Variants in CCDC85A observed in about 807,000 individuals in gnomAD.
CCDC85A encodes coiled-coil domain containing 85A, also known as coiled-coil domain-containing protein 85A.
A neutral mutation model predicts 50.2 loss-of-function variants in CCDC85A; 38 were observed. The ratio of observed to expected loss-of-function variants is 0.76; its 90% CI spans 0.58 to 0.99. CCDC85A has a LOEUF of 0.99. Ranked by LOEUF, CCDC85A falls within the 50% of genes least tolerant of loss-of-function variation. The pLI, the probability that CCDC85A is intolerant of heterozygous loss-of-function variation, is 0.00. For synonymous variants in CCDC85A, 366 were observed against 301.4 expected (o/e 1.21, Z -2.22); for missense variants, 820 against 742.0 (o/e 1.11, Z -1.22).
intron 2 of CCDC85A, among the ~76,000 whole-genome samples, chr2:56,313,738 A>G (rs531942119): frequency 6.6e-6 from 1 of 152,218 alleles, no homozygotes; most frequent in East Asian, 1.9e-4. Context: ...GTTGTCCTAC[A>G]GGCACTGGAA....
intron 2 of CCDC85A, among the ~76,000 whole-genome samples, chr2:56,255,255 T>C (rs1160070001): frequency 6.6e-6 from 1 of 152,222 alleles, no homozygotes; most frequent in Non-Finnish European, 1.5e-5. Context: ...GTGATGCTTA[T>C]GGCTATGTGG....
At chr2:56,291,773 CTT>C (rs35549209) in intron 2 of CCDC85A, among the ~76,000 whole-genome samples, 3,346 of 115,516 alleles carry the variant, frequency 0.029, 84 homozygotes, top group African/African-American at 0.078. Flanking sequence ...AATGGGAAGG[CTT>C]TTTTTTTTTT....
At chr2:56,357,403 A>G (rs1260266203) in intron 3 of CCDC85A, among the ~76,000 whole-genome samples, 3 of 152,224 alleles carry the variant, frequency 2.0e-5, no homozygotes, top group Admixed American at 1.3e-4. Flanking sequence ...TCTTGTGGCT[A>G]CAGTTGATGC....
chr2:56,189,153 C>G (rs1572997975), intron 1 of CCDC85A, among the ~76,000 whole-genome samples: 1 of 152,168 alleles, frequency 6.6e-6, no homozygotes, highest in Non-Finnish European at 1.5e-5. Flanking sequence ...AATCATAGCT[C>G]ATAATTAGCT....
intron 4 of CCDC85A, among the ~76,000 whole-genome samples, chr2:56,373,317 G>A (rs190814139): frequency 3.8e-4 from 57 of 151,110 alleles, no homozygotes; most frequent in African/African-American, 1.3e-3. Flanking sequence ...TCCCCCCACT[G>A]TATACTCCAG....
rs114434344 is a variant in CCDC85A at position 56,334,609 on chromosome 2, C to A, written c.1241-8270C>A. Among the ~76,000 whole-genome samples, 387 of 152,138 alleles carry A rather than the reference C, an allele frequency of 2.5e-3. 2 individuals carry two copies. Among genetic ancestry groups the A allele is most frequent in the African/African-American group, 8.5e-3 (354 of 41,446 alleles). On this transcript the variant is annotated intron_variant, in intron 2 of 5. Transcript: ENST00000407595. ...TTAAAGGGATCAGCCTAACAATATACACAGGTAGAGAGCTTTGCAATATCT... is the reference window on the plus strand; with the variant it reads ...TTAAAGGGATCAGCCTAACAATATAAACAGGTAGAGAGCTTTGCAATATCT...
intron 1 of CCDC85A, 86 bp downstream of exon 1, chr2:56,184,986 C>T: frequency 3.6e-6 from 5 of 1,399,454 alleles, no homozygotes; most frequent in African/African-American, 1.5e-5. Context: ...ACTTTCCCTC[C>T]CTCCCTCAAC....
chr2:56,347,216 C>T (rs1195989976), intron 3 of CCDC85A, among the ~76,000 whole-genome samples: 2 of 152,182 alleles, frequency 1.3e-5, no homozygotes, highest in Non-Finnish European at 2.9e-5. Flanking sequence ...GACAACCCCC[C>T]TTTTCAGTCA....
chr2:56,198,704 C>G (rs1676622907), intron 2 of CCDC85A, among the ~76,000 whole-genome samples: 1 of 152,166 alleles, frequency 6.6e-6, no homozygotes, highest in Non-Finnish European at 1.5e-5. Context: ...GTAAGGTTTT[C>G]AACTCCACTG....
chr2:56,269,334 GGT>G (rs70955014), intron 2 of CCDC85A, among the ~76,000 whole-genome samples: 105,935 of 149,206 alleles, frequency 0.71, 38,209 homozygotes, highest in African/African-American at 0.87. Context: ...CCTTGGCAAG[GGT>G]GTGTGTGTGT....
intron 2 of CCDC85A, among the ~76,000 whole-genome samples, chr2:56,203,798 A>T (rs2103857883): frequency 6.6e-6 from 1 of 152,312 alleles, no homozygotes; most frequent in East Asian, 1.9e-4. Context: ...CCTTTAGATA[A>T]ATTCTATTTT....
At chr2:56,336,455 C>T (rs1674080353) in intron 2 of CCDC85A, among the ~76,000 whole-genome samples, 1 of 152,054 alleles carries the variant, frequency 6.6e-6, no homozygotes, top group Non-Finnish European at 1.5e-5. Flanking sequence ...TGCCCAGCCT[C>T]CTCTTATACA....
chr2:56,355,430 C>T (rs892791380), intron 3 of CCDC85A, among the ~76,000 whole-genome samples: 12 of 152,154 alleles, frequency 7.9e-5, no homozygotes, highest in African/African-American at 2.9e-4. Flanking sequence ...TTTGGGAGAA[C>T]TCTTTGTCCT....
At chr2:56,367,380 T>C (rs1675848634) in intron 3 of CCDC85A, among the ~76,000 whole-genome samples, 1 of 152,158 alleles carries the variant, frequency 6.6e-6, no homozygotes, top group Non-Finnish European at 1.5e-5. Context: ...AGGAGTTTCC[T>C]TCTAAATCCT....
At chr2:56,197,180 C>G (rs1222720551) in intron 2 of CCDC85A, among the ~76,000 whole-genome samples, 2 of 152,084 alleles carry the variant, frequency 1.3e-5, no homozygotes, top group African/African-American at 4.8e-5. Flanking sequence ...GGCTGTTTCT[C>G]CCAATGAACT....
chr2:56,206,653 C>A (rs1676972729), intron 2 of CCDC85A, among the ~76,000 whole-genome samples: 1 of 152,160 alleles, frequency 6.6e-6, no homozygotes, highest in African/African-American at 2.4e-5. Flanking sequence ...ACCCTCATGA[C>A]CTAATCATCT....
chr2:56,361,868 C>T (rs936915972), intron 3 of CCDC85A, among the ~76,000 whole-genome samples: 2 of 152,084 alleles, frequency 1.3e-5, no homozygotes, highest in Admixed American at 6.5e-5. Context: ...GTTGGGTAAA[C>T]ACGAGACTGA....
intron 2 of CCDC85A, among the ~76,000 whole-genome samples, chr2:56,288,251 C>T (rs892273076): frequency 6.6e-6 from 1 of 150,730 alleles, no homozygotes; most frequent in African/African-American, 2.4e-5. Context: ...ACTCACAAAG[C>T]TTTATCTTCA....
At chr2:56,220,928 G>A (rs1283232148) in intron 2 of CCDC85A, among the ~76,000 whole-genome samples, 1 of 151,950 alleles carries the variant, frequency 6.6e-6, no homozygotes, top group Non-Finnish European at 1.5e-5. Context: ...GCTCTTAAAT[G>A]GTCTCTCCAT....
Sources: gnomAD v4.1 joint callset for allele counts (sites outside exome capture counted in the v4.1 genomes callset) on GRCh38, gnomAD v4.1.1 for gene constraint, MANE v1.5 for transcripts, NCBI Gene and HGNC (gene_info 2026-07-23, HGNC 2026-07-21) for gene names.